CNGA3: variants seen among roughly 807,000 people sequenced by gnomAD.
CNGA3 encodes the protein cyclic nucleotide-gated channel alpha-3.
In CNGA3, 42 loss-of-function variants were observed where a neutral mutation model predicts 46.6. The ratio of observed to expected loss-of-function variants is 0.90; its 90% CI spans 0.70 to 1.17. CNGA3 has a LOEUF of 1.17. Ranked by LOEUF, CNGA3 falls within the 50% of genes most tolerant of loss-of-function variation. The pLI, the probability that CNGA3 is intolerant of heterozygous loss-of-function variation, is 0.00. For missense variants in CNGA3, 893 were observed against 890.7 expected (o/e 1.00, Z -0.03); for synonymous variants, 394 against 369.4 (o/e 1.07, Z -0.76).
chr2:98,388,446 A>C (rs929355229), intron 5 of CNGA3, among the ~76,000 whole-genome samples: 6 of 152,062 alleles, frequency 3.9e-5, no homozygotes, highest in Non-Finnish European at 8.8e-5. Context: ...AGGGGGCCTT[A>C]GCTTCGGCCC....
chr2:98,384,477 TTC>T (rs1692610137), intron 5 of CNGA3, among the ~76,000 whole-genome samples: 1 of 152,216 alleles, frequency 6.6e-6, no homozygotes, highest in African/African-American at 2.4e-5. Flanking sequence ...TTCTTGTTAT[TTC>T]TCTCTTTGTT....
Position 98,397,509 on chromosome 2 carries a change from AG to A in CNGA3, c.*256del, listed in dbSNP as rs1280363307. The A allele has an allele frequency of 6.8e-5, 38 of 556,194 alleles. No individual in the cohort carries two copies. The African/African-American group carries it at 7.0e-4, about 10-fold the overall frequency. 34.5% of individuals were successfully genotyped at this position (556,194 alleles called of 1,614,324 possible). On this transcript the variant is annotated 3_prime_UTR_variant, in exon 8 of 8. Transcript: ENST00000272602. Reference sequence around the variant, plus strand: ...ACCAGGCAGGGCTTTGCAAAGTGCAAGGTATCCCCAGTCCAAGTATATGAAA... The same window carrying A: ...ACCAGGCAGGGCTTTGCAAAGTGCAAGTATCCCCAGTCCAAGTATATGAAA...
intron 5 of CNGA3, 61 bp downstream of exon 5, chr2:98,383,502 G>T (rs1271145442): frequency 3.9e-6 from 6 of 1,556,316 alleles, no homozygotes; most frequent in South Asian, 1.1e-5. Context: ...CCCCATAGAA[G>T]CCCCAGCTTG....
At chr2:98,393,030 G>A (rs1439740831) in intron 7 of CNGA3, among the ~76,000 whole-genome samples, 1 of 152,170 alleles carries the variant, frequency 6.6e-6, no homozygotes, top group African/African-American at 2.4e-5. Flanking sequence ...ACTTTGGGAG[G>A]CCAAGACAGA....
intron 1 of CNGA3, among the ~76,000 whole-genome samples, chr2:98,349,700 T>G (rs1691733108): frequency 6.6e-6 from 1 of 152,186 alleles, no homozygotes; most frequent in Non-Finnish European, 1.5e-5. Flanking sequence ...TCCACACTTA[T>G]ACACCTGTCT....
At chr2:98,362,645 C>G (rs1271487881) in intron 1 of CNGA3, among the ~76,000 whole-genome samples, 1 of 100,166 alleles carries the variant, frequency 1.0e-5, no homozygotes, top group African/African-American at 3.1e-5. Context: ...TGCAGAAGCA[C>G]ACCTGAAATT....
chr2:98,396,217 C>A lies in CNGA3; in HGVS notation c.1047C>A (p.Ser349=), dbSNP rs1692908696. Residue 349 remains serine (S), a synonymous_variant, in exon 8 of 8, where the codon TCC becomes TCA. Coordinates refer to ENST00000272602, the MANE Select transcript of CNGA3 (RefSeq NM_001298.3). The part of the protein sequence containing the change: ...NISIPEHGRL[S]RKYIYSLYWS... ...CAATCCCAGAGCATGGGCGCCTCTCCAGGAAGTACATTTACAGTCTCTACT... is the reference window on the plus strand; with the variant it reads ...CAATCCCAGAGCATGGGCGCCTCTCAAGGAAGTACATTTACAGTCTCTACT... The A allele has an allele frequency of 6.2e-7, 1 of 1,614,024 alleles. No homozygotes were observed. The highest frequency in any genetic ancestry group is 8.5e-7 in the Non-Finnish European group (1 of 1,180,034).
At chr2:98,380,098 G>C in intron 3 of CNGA3, 77 bp from the exon 4 acceptor site, 3 of 1,510,866 alleles carry the variant, frequency 2.0e-6, no homozygotes, top group Non-Finnish European at 2.7e-6. Flanking sequence ...GAGAAAGAGA[G>C]AGAGGGAAAG....
At chr2:98,349,568 G>T (rs1574354643) in intron 1 of CNGA3, among the ~76,000 whole-genome samples, 1 of 152,202 alleles carries the variant, frequency 6.6e-6, no homozygotes, top group South Asian at 2.1e-4. Context: ...GATTGTAGGA[G>T]TGACAGCCTG....
intron 3 of CNGA3, among the ~76,000 whole-genome samples, chr2:98,378,518 A>G (rs891043624): frequency 1.3e-5 from 2 of 152,206 alleles, no homozygotes; most frequent in South Asian, 4.1e-4. Context: ...CACATGTTCT[A>G]AACTTTTTAC....
At chr2:98,350,765 A>G (rs1221558192) in intron 1 of CNGA3, 1 of 152,234 alleles carries the variant, frequency 6.6e-6, no homozygotes, top group Non-Finnish European at 1.5e-5. Context: ...CTTAAGAACA[A>G]TCTTAACTTT....
chr2:98,358,190 G>A (rs1691932078), intron 1 of CNGA3, among the ~76,000 whole-genome samples: 1 of 152,144 alleles, frequency 6.6e-6, no homozygotes, highest in African/African-American at 2.4e-5. Flanking sequence ...GCAGTGGTTG[G>A]GTAATCTCTT....
At chr2:98,351,622 A>C (rs1691772257) in intron 1 of CNGA3, among the ~76,000 whole-genome samples, 1 of 152,246 alleles carries the variant, frequency 6.6e-6, no homozygotes, top group African/African-American at 2.4e-5. Context: ...GGGGATAAGA[A>C]TAATATTTAC....
At chr2:98,387,220 C>T (rs933042872) in intron 5 of CNGA3, among the ~76,000 whole-genome samples, 2 of 152,178 alleles carry the variant, frequency 1.3e-5, no homozygotes, top group African/African-American at 4.8e-5. Flanking sequence ...TCGTGTGATT[C>T]GGTGGCTCTC....
Position 98,353,233 on chromosome 2 carries a change from T to C in CNGA3, c.-38+6699T>C, listed in dbSNP as rs376155661. Among the ~76,000 whole-genome samples, 14 of 152,170 alleles carry C rather than the reference T, an allele frequency of 9.2e-5. No homozygotes were observed. The East Asian group carries it at 1.9e-3, about 21-fold the overall frequency. Reference sequence around the variant, plus strand: ...ACCCATGCTGTTTAAGGATCAATGGTATATATATCCTATTGGTTCTGTTTC... The same window carrying C: ...ACCCATGCTGTTTAAGGATCAATGGCATATATATCCTATTGGTTCTGTTTC... On this transcript the variant is annotated intron_variant, in intron 1 of 7. Coordinates refer to ENST00000272602, the MANE Select transcript of CNGA3 (RefSeq NM_001298.3).
chr2:98,389,831 A>G (rs1368855191), intron 6 of CNGA3, 57 bp downstream of exon 6: 15 of 1,425,656 alleles, frequency 1.1e-5, no homozygotes, highest in South Asian at 2.3e-5. Flanking sequence ...CACCAGGCCC[A>G]GGAGCCAGAG....
At chr2:98,389,910 G>C (rs1217968412) in intron 6 of CNGA3, 136 bp downstream of exon 6, 1 of 644,494 alleles carries the variant, frequency 1.6e-6, no homozygotes, top group South Asian at 1.9e-5. Context: ...TTGTGCCTCG[G>C]TTTCTCCTTT....
intron 2 of CNGA3, among the ~76,000 whole-genome samples, chr2:98,374,563 C>T (rs1054881043): frequency 3.3e-5 from 5 of 152,216 alleles, no homozygotes; most frequent in African/African-American, 9.6e-5. Context: ...CTGCATTAGT[C>T]GCCAAAAGCA....
intron 1 of CNGA3, among the ~76,000 whole-genome samples, chr2:98,357,462 C>G (rs1205099664): frequency 1.3e-5 from 2 of 152,224 alleles, no homozygotes; most frequent in Admixed American, 6.5e-5. Context: ...CCCCATCCTG[C>G]ATTGCACCCA....
Sources: allele counts gnomAD v4.1 joint callset (sites outside exome capture counted in the v4.1 genomes callset), GRCh38; gene constraint gnomAD v4.1.1; transcripts MANE v1.5; gene names NCBI Gene and HGNC (gene_info 2026-07-23, HGNC 2026-07-21).